CYP4Z1: variants seen among roughly 807,000 people sequenced by gnomAD.
The protein encoded by CYP4Z1 is cytochrome P450 family 4 subfamily Z member 1.
In CYP4Z1, 41 loss-of-function variants were observed where a neutral mutation model predicts 54.2. That is an observed-to-expected ratio of 0.76 (90% CI 0.59 to 0.98). CYP4Z1 has a LOEUF of 0.98. CYP4Z1 is among the 50% of genes least tolerant of loss of function. CYP4Z1 has a pLI of 0.00. For synonymous variants in CYP4Z1, 163 were observed against 206.2 expected (o/e 0.79, Z 1.79); for missense variants, 513 against 599.0 (o/e 0.86, Z 1.50).
chr1:47,064,107 G>A (rs1271495547), upstream of CYP4Z1, among the ~76,000 whole-genome samples: 1 of 126,104 alleles, frequency 7.9e-6, no homozygotes, highest in Non-Finnish European at 1.6e-5. Flanking sequence ...TTTTGAGATA[G>A]AGTCTCACTC....
At chr1:47,084,522 A>T in intron 4 of CYP4Z1, 98 bp from the exon 5 acceptor site, 1 of 1,542,512 alleles carries the variant, frequency 6.5e-7, no homozygotes, top group Non-Finnish European at 8.7e-7. Context: ...TACGCTTTAT[A>T]TTTTCAAACC....
Position 47,106,159 on chromosome 1 carries a change from A to G in CYP4Z1, c.1099A>G (p.Met367Val), listed in dbSNP as rs755361561. The G allele has an allele frequency of 3.7e-6, 6 of 1,613,958 alleles. No homozygotes were observed. Among genetic ancestry groups the G allele is most frequent in the Non-Finnish European group, 5.1e-6 (6 of 1,179,928 alleles). ...CCTGAGCCAGATGCCTTACACCACG[A>G]TGTGCATCAAGGAATGCCTCCGCCT... ...EHLSQMPYTT[M>V]CIKECLRLYA... Residue 367 changes from methionine (M) to valine (V), a missense_variant, in exon 9 of 12, where the codon ATG becomes GTG. Transcript: ENST00000334194.
At position 47,067,605 on chromosome 1, in the gene CYP4Z1, A is replaced by C. The variant is rs1318144948; in HGVS notation, c.115A>C (p.Met39Leu). 5 of 1,613,440 alleles carry C rather than the reference A, an allele frequency of 3.1e-6. No individual in the cohort carries two copies. The highest frequency in any genetic ancestry group is 4.2e-6 in the Non-Finnish European group (5 of 1,179,746). Residue 39 changes from methionine to leucine, a missense_variant, in exon 1 of 12, where the codon ATG becomes CTG. Physicochemically the swap from Met to Leu is conservative, Grantham distance 15. Coordinates refer to ENST00000334194, the MANE Select transcript of CYP4Z1 (RefSeq NM_178134.3). ...CAGGTTGTACCAGAGGAGGAGATGGATGATCAGAGCCCTGCACCTGTTTCC... is the reference window on the plus strand; with the variant it reads ...CAGGTTGTACCAGAGGAGGAGATGGCTGATCAGAGCCCTGCACCTGTTTCC... The part of the protein sequence containing the change: ...VIRLYQRRRW[M>L]IRALHLFPAP...
At chr1:47,096,612 AG>A (rs1438733791) in intron 7 of CYP4Z1, 1 of 148,242 alleles carries the variant, frequency 6.7e-6, no homozygotes, top group Non-Finnish European at 1.5e-5. Context: ...TATTATGCCC[AG>A]CATTCATTTG....
chr1:47,109,261 T>C (rs2148541024), intron 9 of CYP4Z1, among the ~76,000 whole-genome samples: 1 of 152,040 alleles, frequency 6.6e-6, no homozygotes, highest in South Asian at 2.1e-4. Flanking sequence ...AAAAAGAAGG[T>C]AGGATTGGGC....
upstream of CYP4Z1, among the ~76,000 whole-genome samples, chr1:47,064,079 C>A (rs1300115380): frequency 7.6e-6 from 1 of 131,518 alleles, no homozygotes; most frequent in Non-Finnish European, 1.6e-5. Flanking sequence ...GGATTTGGGT[C>A]CTTTTTTTTT....
At chr1:47,096,039 AG>A (rs577303522) in intron 7 of CYP4Z1, among the ~76,000 whole-genome samples, 15 of 152,196 alleles carry the variant, frequency 9.9e-5, no homozygotes, top group Non-Finnish European at 1.9e-4. Context: ...TTCCTAAACC[AG>A]GACTACTAAG....
intron 8 of CYP4Z1, among the ~76,000 whole-genome samples, chr1:47,102,941 C>A (rs1057142963): frequency 5.9e-5 from 9 of 152,014 alleles, no homozygotes; most frequent in African/African-American, 2.2e-4. Context: ...TTCCTCTTCA[C>A]CTTCTGGGAC....
At chr1:47,088,759 G>T (rs1171275805) in intron 6 of CYP4Z1, among the ~76,000 whole-genome samples, 1 of 136,494 alleles carries the variant, frequency 7.3e-6, no homozygotes, top group African/African-American at 2.9e-5. Context: ...TGGGACTACA[G>T]GTGTGTGCCA....
chr1:47,111,529 C>G (rs1342608807), intron 9 of CYP4Z1, among the ~76,000 whole-genome samples: 1 of 152,132 alleles, frequency 6.6e-6, no homozygotes, highest in East Asian at 1.9e-4. Flanking sequence ...GGAAAACAGT[C>G]AAAGGCACCC....
chr1:47,106,782 T>G (rs1219266592), intron 9 of CYP4Z1, among the ~76,000 whole-genome samples: 1 of 152,154 alleles, frequency 6.6e-6, no homozygotes, highest in African/African-American at 2.4e-5. Context: ...TGTTCAGTCT[T>G]TCTCAATCAA....
chr1:47,068,534 C>T (rs1644467322), intron 1 of CYP4Z1, 88 bp from the exon 2 acceptor site: 5 of 1,531,842 alleles, frequency 3.3e-6, no homozygotes, highest in Non-Finnish European at 4.4e-6. Context: ...TCCACAGATC[C>T]TCAACTTAGC....
intron 6 of CYP4Z1, among the ~76,000 whole-genome samples, chr1:47,090,420 A>G (rs947032099): frequency 7.9e-5 from 12 of 152,260 alleles, no homozygotes; most frequent in African/African-American, 2.9e-4. Flanking sequence ...CATGACTATA[A>G]CAATTCCCAC....
At chr1:47,063,541 T>TA (rs1557617883), upstream of CYP4Z1, among the ~76,000 whole-genome samples, 5 of 151,464 alleles carry the variant, frequency 3.3e-5, no homozygotes, top group Admixed American at 3.3e-4. Flanking sequence ...ATTGCACAAA[T>TA]AAAAAACAAT....
Position 47,117,937 on chromosome 1 carries a change from T to G in CYP4Z1, c.*3T>G, listed in dbSNP as rs1157167487. 6.2e-7 allele frequency: 1 copy of G among 1,612,820 alleles called. No individual in the cohort carries two copies. Among genetic ancestry groups the G allele is most frequent in the Non-Finnish European group, 8.5e-7 (1 of 1,179,432 alleles). ...TGTTTGCAAAAAAAGTTTGCTAATT[T>G]TAAGTCCTTTCGTATAAGAATTAAT... On this transcript the variant is annotated 3_prime_UTR_variant, in exon 12 of 12. Transcript: ENST00000334194.
chr1:47,058,495 C>A, the CYP4Z1 span, among the ~76,000 whole-genome samples: 1 of 152,036 alleles, frequency 6.6e-6, no homozygotes, highest in East Asian at 1.9e-4. Flanking sequence ...ATTTGAGGTG[C>A]TAAGTATCCC....
upstream of CYP4Z1, among the ~76,000 whole-genome samples, chr1:47,063,552 C>G (rs1361607263): frequency 6.6e-6 from 1 of 151,820 alleles, no homozygotes; most frequent in Non-Finnish European, 1.5e-5. Flanking sequence ...AAAAAACAAT[C>G]ACAACTTCTG....
chr1:47,092,111 C>T (rs1644642464), intron 6 of CYP4Z1, among the ~76,000 whole-genome samples: 1 of 151,924 alleles, frequency 6.6e-6, no homozygotes, highest in African/African-American at 2.4e-5. Context: ...CCTCTGGGGG[C>T]ACTTCCATCT....
intron 6 of CYP4Z1, among the ~76,000 whole-genome samples, chr1:47,087,845 T>C (rs1461571412): frequency 1.3e-5 from 2 of 152,170 alleles, no homozygotes; most frequent in Admixed American, 6.5e-5. Flanking sequence ...CATAAATAGC[T>C]CTTATTATTT....
Sources: gnomAD v4.1 joint callset for allele counts (sites outside exome capture counted in the v4.1 genomes callset) on GRCh38, gnomAD v4.1.1 for gene constraint, MANE v1.5 for transcripts, NCBI Gene and HGNC (gene_info 2026-07-23, HGNC 2026-07-21) for gene names.